The following KIF21A variants were observed in gnomAD, a reference collection of about 807,000 sequenced individuals.
The protein encoded by KIF21A is kinesin family member 21A.
Under a neutral mutation model 202.9 loss-of-function variants are expected in KIF21A, and 114 were observed. That is an observed-to-expected ratio of 0.56 (90% CI 0.48 to 0.66). KIF21A has a LOEUF of 0.66. KIF21A is among the 30% of genes least tolerant of loss of function. The pLI is 0.00. For missense variants in KIF21A, 1,677 were observed against 1,994.9 expected (o/e 0.84, Z 3.04); for synonymous variants, 667 against 670.8 (o/e 0.99, Z 0.09).
At chr12:39,398,488 C>A (rs1194307044) in intron 1 of KIF21A, among the ~76,000 whole-genome samples, 1 of 152,050 alleles carries the variant, frequency 6.6e-6, no homozygotes, top group Non-Finnish European at 1.5e-5. Flanking sequence ...GTAGTCCCAG[C>A]TACTCAGGAG....
At chr12:39,320,932 CAAAAAAAAAAAAAA>C (rs59613512) in intron 27 of KIF21A, among the ~76,000 whole-genome samples, 2 of 16,142 alleles carry the variant, frequency 1.2e-4, no homozygotes, top group Admixed American at 1.8e-3. Context: ...AAGACTCTGC[CAAAAAAAAAAAAAA>C]AAAAAAAAAA....
Position 39,341,699 on chromosome 12 carries a change from G to A in KIF21A, c.1804-77C>T. The A allele has an allele frequency of 2.1e-6, 3 of 1,448,304 alleles. No individual in the cohort carries two copies. In the East Asian group the frequency reaches 7.4e-5, roughly 36 times the overall value. 89.7% of individuals were successfully genotyped at this position (1,448,304 alleles called of 1,614,324 possible). A position where few individuals can be genotyped will look rare whatever the true frequency, so the allele number is the denominator to read the frequency against. On this transcript the variant is annotated intron_variant, in intron 13 of 37. Transcript: ENST00000361418. ...ACTCCCTCATTGAGAGAGGCTGCTGGAGTACAAAGTACGGAAACATAAAAA... is the reference window on the plus strand; with the variant it reads ...ACTCCCTCATTGAGAGAGGCTGCTGAAGTACAAAGTACGGAAACATAAAAA...
chr12:39,361,986 G>A (rs190040374), intron 7 of KIF21A, among the ~76,000 whole-genome samples: 63 of 152,216 alleles, frequency 4.1e-4, no homozygotes, highest in Admixed American at 2.3e-3. Context: ...ATTAGATGTT[G>A]GGGGCAAATT....
chr12:39,315,724 C>A, intron 30 of KIF21A: 1 of 618,902 alleles, frequency 1.6e-6, no homozygotes, highest in South Asian at 1.9e-5. Context: ...AATTTTTAAA[C>A]TATTATACAA....
intron 1 of KIF21A, among the ~76,000 whole-genome samples, chr12:39,430,484 TG>T (rs1937719403): frequency 6.6e-6 from 1 of 151,550 alleles, no homozygotes. Flanking sequence ...GAGAATCACT[TG>T]GACCTGGGAG....
At chr12:39,420,742 A>C (rs1954185735) in intron 1 of KIF21A, among the ~76,000 whole-genome samples, 1 of 151,404 alleles carries the variant, frequency 6.6e-6, no homozygotes, top group African/African-American at 2.4e-5. Flanking sequence ...TCTTACAGCT[A>C]AAAGTAAGTT....
chr12:39,427,079 G>A (rs1224517319), intron 1 of KIF21A, among the ~76,000 whole-genome samples: 4 of 151,886 alleles, frequency 2.6e-5, no homozygotes, highest in East Asian at 1.9e-4. Context: ...GCTGGACTGA[G>A]GGCAAAACCC....
intron 34 of KIF21A, among the ~76,000 whole-genome samples, chr12:39,306,878 G>A (rs960041836): frequency 6.6e-6 from 1 of 152,140 alleles, no homozygotes; most frequent in Non-Finnish European, 1.5e-5. Flanking sequence ...CACTGTTGGT[G>A]CAATGCCTGA....
rs544471137 is a variant in KIF21A at position 39,370,963 on chromosome 12, C to T, written c.45-702G>A. ...CCAAAATCCGCAGATGTTCAAGTCCCTGACATAAAATTATGTAGTATTTGC... is the reference window on the plus strand; with the variant it reads ...CCAAAATCCGCAGATGTTCAAGTCCTTGACATAAAATTATGTAGTATTTGC... On this transcript the variant is annotated intron_variant, in intron 1 of 37. Coordinates refer to ENST00000361418, the MANE Select transcript of KIF21A (RefSeq NM_001173464.2). Among the ~76,000 whole-genome samples, 10 of 152,218 alleles carry T rather than the reference C, an allele frequency of 6.6e-5. No homozygotes were observed. In the South Asian group the frequency reaches 1.9e-3, roughly 28 times the overall value.
intron 36 of KIF21A, among the ~76,000 whole-genome samples, chr12:39,301,943 T>A (rs890940263): frequency 1.3e-5 from 2 of 152,178 alleles, no homozygotes; most frequent in African/African-American, 4.8e-5. Context: ...TGAAAATACA[T>A]AGAACTTTCG....
intron 1 of KIF21A, among the ~76,000 whole-genome samples, chr12:39,419,506 TATTAGTATATATAAAATACTCGC>T (rs1566288481): frequency 6.6e-6 from 1 of 152,208 alleles, no homozygotes; most frequent in Non-Finnish European, 1.5e-5. Flanking sequence ...TCACTTGAAC[TATTAGTATATATAAAATACTCGC>T]ATTTACGTCA....
chr12:39,414,272 T>C (rs1953353956), intron 1 of KIF21A, among the ~76,000 whole-genome samples: 1 of 152,186 alleles, frequency 6.6e-6, no homozygotes, highest in Non-Finnish European at 1.5e-5. Flanking sequence ...CCCTCACAAT[T>C]TATTCAATGA....
chr12:39,397,165 T>G (rs1490665583), intron 1 of KIF21A, among the ~76,000 whole-genome samples: 1 of 152,208 alleles, frequency 6.6e-6, no homozygotes, highest in Admixed American at 6.5e-5. Flanking sequence ...ATACTTGCAT[T>G]GGGTGAATTT....
Position 39,318,054 on chromosome 12 carries a change from C to T in KIF21A, c.3908+19G>A. 1 of 1,608,874 alleles carries T rather than the reference C, an allele frequency of 6.2e-7. No homozygotes were observed. Among genetic ancestry groups the T allele is most frequent in the Admixed American group, 1.7e-5 (1 of 59,926 alleles). The stretch of plus-strand genomic sequence containing the variant: ...GAATATTATATAAATAATTGGGGCT[C>T]TTTTCCATAATGACTTACTTATCCT... On this transcript the variant is annotated intron_variant, in intron 29 of 37. Coordinates refer to ENST00000361418, the MANE Select transcript of KIF21A (RefSeq NM_001173464.2).
chr12:39,361,432 G>T (rs1949199519), intron 7 of KIF21A, among the ~76,000 whole-genome samples: 1 of 151,822 alleles, frequency 6.6e-6, no homozygotes, highest in Non-Finnish European at 1.5e-5. Flanking sequence ...TGTGCTGGAA[G>T]AGACATGAGT....
chr12:39,427,950 G>A (rs896841625), intron 1 of KIF21A, among the ~76,000 whole-genome samples: 2 of 152,028 alleles, frequency 1.3e-5, no homozygotes, highest in Non-Finnish European at 2.9e-5. Flanking sequence ...TGAGCCACCC[G>A]CGCCCAGCCA....
chr12:39,414,478 TAC>T (rs1953375490), intron 1 of KIF21A, among the ~76,000 whole-genome samples: 1 of 152,362 alleles, frequency 6.6e-6, no homozygotes, highest in African/African-American at 2.4e-5. Flanking sequence ...TAAAGAATTC[TAC>T]ACAGTCTTGG....
At chr12:39,367,744 G>T in intron 4 of KIF21A, 139 bp downstream of exon 4, 1 of 685,344 alleles carries the variant, frequency 1.5e-6, no homozygotes, top group Non-Finnish European at 2.5e-6. Context: ...TTAAATGTGA[G>T]GAAAGAACAC....
intron 11 of KIF21A, among the ~76,000 whole-genome samples, chr12:39,347,613 T>C (rs1172643148): frequency 6.6e-6 from 1 of 152,090 alleles, no homozygotes; most frequent in African/African-American, 2.4e-5. Context: ...TTTATTGGTC[T>C]GTGATTGTTT....
Sources: gnomAD v4.1 joint callset for allele counts (sites outside exome capture counted in the v4.1 genomes callset) on GRCh38, gnomAD v4.1.1 for gene constraint, MANE v1.5 for transcripts, NCBI Gene and HGNC (gene_info 2026-07-23, HGNC 2026-07-21) for gene names.